The following SEPTIN6 variants were observed in gnomAD, a reference collection of about 807,000 sequenced individuals.
The protein encoded by SEPTIN6 is septin-6.
Under a neutral mutation model 33.6 loss-of-function variants are expected in SEPTIN6, and 8 were observed. That is an observed-to-expected ratio of 0.24 (90% confidence interval 0.14 to 0.43). SEPTIN6 has a LOEUF of 0.43. Ranked by LOEUF, SEPTIN6 falls within the 20% of genes least tolerant of loss-of-function variation. SEPTIN6 has a pLI of 1.00. For missense variants in SEPTIN6, 250 were observed against 340.8 expected (o/e 0.73, Z 2.10); for synonymous variants, 131 against 140.0 (o/e 0.94, Z 0.45).
At chrX:119,639,957 C>T (rs903337371) in intron 6 of SEPTIN6, among the ~76,000 whole-genome samples, 3 of 84,470 alleles carry the variant, frequency 3.6e-5, no homozygotes, top group Admixed American at 1.5e-4. Context: ...GCACATGCCA[C>T]CATACCTGAC....
intron 2 of SEPTIN6, among the ~76,000 whole-genome samples, chrX:119,674,412 C>A (rs1380535293): frequency 2.7e-5 from 3 of 111,457 alleles, no homozygotes; most frequent in Non-Finnish European, 5.7e-5. Flanking sequence ...CTTCTGACCT[C>A]GTGATCCACC....
intron 6 of SEPTIN6, among the ~76,000 whole-genome samples, chrX:119,637,407 A>G (rs2054079837): frequency 8.9e-6 from 1 of 112,488 alleles, no homozygotes; most frequent in Non-Finnish European, 1.9e-5. Context: ...ATATCATAAA[A>G]ATACTTATTA....
At chrX:119,649,439 G>A (rs1231999569) in intron 5 of SEPTIN6, among the ~76,000 whole-genome samples, 1 of 99,149 alleles carries the variant, frequency 1.0e-5, no homozygotes, top group Admixed American at 1.1e-4. Flanking sequence ...AGTGAGCCGA[G>A]ATTGTGCCAC....
At chrX:119,677,690 T>C (rs764193953) in intron 1 of SEPTIN6, among the ~76,000 whole-genome samples, 8 of 112,120 alleles carry the variant, frequency 7.1e-5, no homozygotes, top group Non-Finnish European at 1.3e-4. Flanking sequence ...TGGTGGAGCC[T>C]CTCAGCAGCC....
intron 6 of SEPTIN6, among the ~76,000 whole-genome samples, chrX:119,639,657 CAG>C (rs1449305582): frequency 5.4e-5 from 6 of 111,806 alleles, no homozygotes; most frequent in African/African-American, 2.0e-4. Flanking sequence ...ACTCCCCTGG[CAG>C]AGACTTAATC....
intron 5 of SEPTIN6, among the ~76,000 whole-genome samples, chrX:119,649,111 AT>A (rs200217501): frequency 0.031 from 2,341 of 75,523 alleles, 20 homozygotes; most frequent in African/African-American, 0.072. Context: ...CATAACGCTG[AT>A]TTTTTTTTTT....
intron 6 of SEPTIN6, among the ~76,000 whole-genome samples, chrX:119,638,396 G>A (rs1350323905): frequency 4.5e-5 from 5 of 111,779 alleles, no homozygotes; most frequent in Non-Finnish European, 9.4e-5. Flanking sequence ...CAGGTCACGA[G>A]GAGCACTTTG....
At chrX:119,636,883 T>C (rs2054069722) in intron 7 of SEPTIN6, 144 bp downstream of exon 7, 1 of 642,103 alleles carries the variant, frequency 1.6e-6, no homozygotes, top group South Asian at 3.0e-5. Flanking sequence ...CAAGCAGAAC[T>C]GGCAAGTGAG....
intron 1 of SEPTIN6, 53 bp from the exon 2 acceptor site, chrX:119,675,721 G>T: frequency 1.4e-6 from 1 of 712,572 alleles, no homozygotes; most frequent in Non-Finnish European, 1.9e-6. Flanking sequence ...AAGCAGTCTG[G>T]GTCTCGCTTC....
intron 5 of SEPTIN6, chrX:119,646,745 T>C (rs911702398): frequency 3.5e-6 from 1 of 288,708 alleles, no homozygotes; most frequent in Non-Finnish European, 7.5e-6. Context: ...CCAGCTCCTA[T>C]GACAATTGGC....
In SEPTIN6 at chrX:119,680,874, G is replaced by A. The variant is rs374697589; in HGVS notation, c.31-5206C>T. On this transcript the variant is annotated intron_variant, in intron 1 of 10. Coordinates refer to ENST00000394610, the MANE Select transcript of SEPTIN6 (RefSeq NM_145799.4). ...CAGATGCCTGTAGTCCCAGCCACTC[G>A]GGAGGCTGAGTTAGGAGAATCACCT... Among the ~76,000 whole-genome samples the A allele has an allele frequency of 3.7e-5, 4 of 108,134 alleles. No individual in the cohort carries two copies. In the East Asian group the frequency reaches 1.2e-3, roughly 32 times the overall value. The allele number at this position is 108,134 out of a possible 115,157, so 93.9% of individuals were successfully genotyped here. A position where few individuals can be genotyped will look rare whatever the true frequency, so the allele number is the denominator to read the frequency against.
At position 119,617,014 on chromosome X, in the gene SEPTIN6, A is replaced by ATACGGCG; in HGVS notation, c.*3078_*3079insCGCCGTA. The ATACGGCG allele has an allele frequency of 2.1e-6, 2 of 971,390 alleles. No homozygotes were observed. The highest frequency in any genetic ancestry group is 2.6e-6 in the Non-Finnish European group (2 of 772,849). The allele number at this position is 971,390 out of a possible 1,213,427, so 80.1% of individuals were successfully genotyped here. The stretch of plus-strand genomic sequence containing the variant: ...CCACATGTGAATGCCAAATGATTAA[A>ATACGGCG]ACAAAAAAACAAAAACAAGAGCCAT... On this transcript the variant is annotated 3_prime_UTR_variant, in exon 11 of 11. Transcript: ENST00000394610.
At chrX:119,660,300 A>C (rs1391296224) in intron 3 of SEPTIN6, among the ~76,000 whole-genome samples, 2 of 112,487 alleles carry the variant, frequency 1.8e-5, no homozygotes, top group South Asian at 7.2e-4. Context: ...CTTCACTGAC[A>C]TATCTATGCT....
chrX:119,631,022 C>T (rs2053949370), intron 8 of SEPTIN6, among the ~76,000 whole-genome samples: 1 of 111,150 alleles, frequency 9.0e-6, no homozygotes, highest in Non-Finnish European at 1.9e-5. Context: ...CCGAATTTCA[C>T]TTTCTTTCAT....
chrX:119,693,057 A>T lies in SEPTIN6; in HGVS notation c.30+19T>A. 1 of 1,171,678 alleles carries T rather than the reference A, an allele frequency of 8.5e-7. No individual in the cohort carries two copies. On this transcript the variant is annotated intron_variant, in intron 1 of 10. Coordinates refer to ENST00000394610, the MANE Select transcript of SEPTIN6 (RefSeq NM_145799.4). ...CCAGGCCCTCGGCCCCGGCCCTGGC[A>T]CCCAAGCTCTGCACTTACCACCTGG...
intron 10 of SEPTIN6, chrX:119,624,165 T>TTTTG (rs1320400147): frequency 3.4e-5 from 7 of 204,580 alleles, no homozygotes; most frequent in African/African-American, 1.6e-4. Context: ...TTGTTTTTTT[T>TTTTG]TTTGTTTGTT....
intron 7 of SEPTIN6, among the ~76,000 whole-genome samples, chrX:119,636,291 C>T (rs1569423784): frequency 1.8e-5 from 2 of 111,787 alleles, no homozygotes; most frequent in Admixed American, 9.5e-5. Context: ...TAAAGGGCAC[C>T]ACGTGGTAAT....
intron 3 of SEPTIN6, among the ~76,000 whole-genome samples, chrX:119,654,436 T>C (rs2054403210): frequency 9.0e-6 from 1 of 111,502 alleles, no homozygotes; most frequent in African/African-American, 3.3e-5. Context: ...CCCTTCAGGC[T>C]AGAAGAGGCT....
chrX:119,656,656 G>C (rs185551532), intron 3 of SEPTIN6, among the ~76,000 whole-genome samples: 1 of 112,486 alleles, frequency 8.9e-6, no homozygotes, highest in Non-Finnish European at 1.9e-5. Context: ...GGGAGACCAA[G>C]GTGGGCGGAT....
Sources: allele counts gnomAD v4.1 joint callset (sites outside exome capture counted in the v4.1 genomes callset), GRCh38; gene constraint gnomAD v4.1.1; transcripts MANE v1.5; gene names NCBI Gene and HGNC (gene_info 2026-07-23, HGNC 2026-07-21).